ARHGAP12: variants seen among roughly 807,000 people sequenced by gnomAD.
ARHGAP12 encodes the protein rho GTPase-activating protein 12.
In ARHGAP12, 64 loss-of-function variants were observed where a neutral mutation model predicts 108.6. The observed-to-expected ratio is 0.59, with a 90% CI of 0.48 to 0.73. The LOEUF (loss-of-function observed/expected upper bound fraction) is 0.73, where lower values mean the gene tolerates loss of function less well. Among genes scored for constraint, ARHGAP12 ranks in the 30% least tolerant of loss-of-function variants. The pLI is 0.00. For missense variants in ARHGAP12, 940 were observed against 1,005.9 expected (o/e 0.93, Z 0.89); for synonymous variants, 312 against 337.2 (o/e 0.93, Z 0.82).
intron 3 of ARHGAP12, among the ~76,000 whole-genome samples, chr10:31,904,832 T>C (rs908427669): frequency 3.9e-5 from 6 of 152,062 alleles, no homozygotes; most frequent in African/African-American, 1.4e-4. Flanking sequence ...TCGCCATGTT[T>C]CTCAATTTAG....
At chr10:31,912,021 T>C (rs1414468376) in intron 1 of ARHGAP12, among the ~76,000 whole-genome samples, 2 of 152,232 alleles carry the variant, frequency 1.3e-5, no homozygotes, top group African/African-American at 2.4e-5. Context: ...CTGCCAAATA[T>C]GCTCACCCCA....
chr10:31,836,361 T>C (rs932431221), intron 9 of ARHGAP12, among the ~76,000 whole-genome samples: 13 of 152,082 alleles, frequency 8.5e-5, no homozygotes, highest in African/African-American at 2.7e-4. Context: ...ACCTATTTAA[T>C]CCATATTATA....
intron 3 of ARHGAP12, among the ~76,000 whole-genome samples, chr10:31,892,537 C>A (rs1330418577): frequency 6.6e-6 from 1 of 152,194 alleles, no homozygotes. Flanking sequence ...GGGATCAATT[C>A]AACAAGAAGA....
At chr10:31,857,214 G>A (rs151280476) in intron 4 of ARHGAP12, among the ~76,000 whole-genome samples, 259 of 152,264 alleles carry the variant, frequency 1.7e-3, no homozygotes, top group African/African-American at 5.8e-3. Flanking sequence ...GGTAAATCTA[G>A]ATGAATGATA....
chr10:31,883,714 T>C (rs1363433477), intron 3 of ARHGAP12, among the ~76,000 whole-genome samples: 1 of 120,186 alleles, frequency 8.3e-6, no homozygotes, highest in Non-Finnish European at 1.6e-5. Flanking sequence ...TGTAAAATAC[T>C]TTTTTTTTTT....
intron 14 of ARHGAP12, 74 bp downstream of exon 14, chr10:31,814,185 T>C (rs534374395): frequency 3.2e-5 from 38 of 1,175,532 alleles, no homozygotes; most frequent in South Asian, 2.5e-4. Flanking sequence ...AGCTTTTATA[T>C]ATGTATTTAA....
At chr10:31,901,002 G>C (rs1287929569) in intron 3 of ARHGAP12, among the ~76,000 whole-genome samples, 1 of 152,044 alleles carries the variant, frequency 6.6e-6, no homozygotes, top group African/African-American at 2.4e-5. Context: ...GATCACTTGA[G>C]GTCAGGAGAT....
Position 31,892,713 on chromosome 10 carries a change from G to A in ARHGAP12, c.684+15459C>T, listed in dbSNP as rs564602585. ...GATCCATGAGACAGAAACTTAACAA[G>A]CATATCCAGGAATTGAACTCAGCTC... On this transcript the variant is annotated intron_variant, in intron 3 of 19. Transcript: ENST00000344936. Among the ~76,000 whole-genome samples, 11 of 152,268 alleles carry A rather than the reference G, an allele frequency of 7.2e-5. No homozygotes were observed. In the South Asian group the frequency reaches 8.3e-4, roughly 11 times the overall value.
intron 1 of ARHGAP12, among the ~76,000 whole-genome samples, chr10:31,920,449 C>CAAAAAAAAAAAAAAAAAA (rs71027040): frequency 8.9e-4 from 53 of 59,592 alleles, no homozygotes; most frequent in African/African-American, 3.6e-3. Context: ...GACTCCGTCT[C>CAAAAAAAAAAAAAAAAAA]AAAAAAAAAA....
chr10:31,862,750 A>G (rs1011809250), intron 3 of ARHGAP12, among the ~76,000 whole-genome samples: 8 of 140,804 alleles, frequency 5.7e-5, no homozygotes, highest in East Asian at 2.1e-4. Flanking sequence ...ACACACACAC[A>G]CGCCTCCGAC....
In ARHGAP12 at chr10:31,854,078, A is replaced by G; in HGVS notation, c.1077T>C (p.Tyr359=). The G allele has an allele frequency of 6.2e-7, 1 of 1,608,522 alleles. No individual in the cohort carries two copies. Among genetic ancestry groups the G allele is most frequent in the Non-Finnish European group, 8.5e-7 (1 of 1,178,438 alleles). ...ERGHTLYTSD[Y]TNEKWLKHVD... ...AAAAAGAATGTACCTTTTCATTAGT[A>G]TAGTCACTGGTATATAAGGTATGCC... The change falls in exon 5 of 20, where the codon TAT becomes TAC. Residue 359 remains tyrosine (Y), a synonymous_variant. Coordinates refer to ENST00000344936, the MANE Select transcript of ARHGAP12 (RefSeq NM_018287.7).
rs988833099 is a variant in ARHGAP12, at chr10:31,916,684, T to C, written c.-110-6121A>G. 5.9e-5 allele frequency among the ~76,000 whole-genome samples: 9 copies of C among 152,324 alleles called. No individual in the cohort carries two copies. In the East Asian group the frequency reaches 1.7e-3, roughly 29 times the overall value. Reference sequence around the variant, plus strand: ...CAGGCTGGAGTGCAGTGGCGCCATCTTGGCTCACTGCAATCTCTGCCACCC... The same window carrying C: ...CAGGCTGGAGTGCAGTGGCGCCATCCTGGCTCACTGCAATCTCTGCCACCC... On this transcript the variant is annotated intron_variant, in intron 1 of 19. Transcript: ENST00000344936.
At chr10:31,821,977 A>T (rs963177743) in intron 11 of ARHGAP12, among the ~76,000 whole-genome samples, 9 of 152,212 alleles carry the variant, frequency 5.9e-5, no homozygotes, top group Non-Finnish European at 1.3e-4. Flanking sequence ...ATTTATTGTC[A>T]TCATACACGC....
intron 6 of ARHGAP12, among the ~76,000 whole-genome samples, chr10:31,851,004 T>G (rs1336011645): frequency 6.6e-6 from 1 of 152,132 alleles, no homozygotes; most frequent in Non-Finnish European, 1.5e-5. Flanking sequence ...TCAATAGACT[T>G]TTTATTTGGA....
chr10:31,905,799 A>G (rs1467010426), intron 3 of ARHGAP12, among the ~76,000 whole-genome samples: 1 of 151,626 alleles, frequency 6.6e-6, no homozygotes, highest in Non-Finnish European at 1.5e-5. Context: ...CTGGGGGAAA[A>G]GAGGACTGTT....
At chr10:31,882,400 A>T in intron 3 of ARHGAP12, among the ~76,000 whole-genome samples, 1 of 152,188 alleles carries the variant, frequency 6.6e-6, no homozygotes, top group East Asian at 1.9e-4. Context: ...AATAAGGAGA[A>T]CTAAGTAAAA....
chr10:31,879,292 T>C (rs1245359035), intron 3 of ARHGAP12, among the ~76,000 whole-genome samples: 1 of 152,040 alleles, frequency 6.6e-6, no homozygotes. Flanking sequence ...CACCCCTGTG[T>C]TCCCAGCTAC....
At chr10:31,814,233 A>G (rs1463446607) in intron 14 of ARHGAP12, 26 bp downstream of exon 14, 2 of 1,571,270 alleles carry the variant, frequency 1.3e-6, no homozygotes, top group Middle Eastern at 1.7e-4. Flanking sequence ...ACAAATCCTT[A>G]GCAAAATAGG....
chr10:31,873,412 T>A (rs1158816268), intron 3 of ARHGAP12, among the ~76,000 whole-genome samples: 1 of 152,220 alleles, frequency 6.6e-6, no homozygotes, highest in Non-Finnish European at 1.5e-5. Context: ...GAATCCAGCA[T>A]CAGTTTTCAT....
Sources: allele counts gnomAD v4.1 joint callset (sites outside exome capture counted in the v4.1 genomes callset), GRCh38; gene constraint gnomAD v4.1.1; transcripts MANE v1.5; gene names NCBI Gene and HGNC (gene_info 2026-07-23, HGNC 2026-07-21).